The following CTNNA2 variants were observed in gnomAD, a reference collection of about 807,000 sequenced individuals.
CTNNA2 encodes catenin alpha-2.
A neutral mutation model predicts 101.0 loss-of-function variants in CTNNA2; 42 were observed. That is an observed-to-expected ratio of 0.42 (90% confidence interval 0.32 to 0.54). The LOEUF (loss-of-function observed/expected upper bound fraction) is 0.54, where lower values mean the gene tolerates loss of function less well. CTNNA2 is among the 20% of genes least tolerant of loss of function. The pLI is 0.14. For synonymous variants in CTNNA2, 450 were observed against 456.4 expected (o/e 0.99, Z 0.18); for missense variants, 871 against 1,223.1 (o/e 0.71, Z 4.29).
At chr2:80,578,604 G>A (rs1695264873) in intron 13 of CTNNA2, among the ~76,000 whole-genome samples, 1 of 152,184 alleles carries the variant, frequency 6.6e-6, no homozygotes, top group Non-Finnish European at 1.5e-5. Context: ...TGGATGGGCT[G>A]GATGGGTTTG....
intron 3 of CTNNA2, among the ~76,000 whole-genome samples, chr2:79,343,864 G>A (rs552833955): frequency 2.0e-5 from 3 of 151,990 alleles, no homozygotes; most frequent in South Asian, 2.1e-4. Flanking sequence ...GTATGCTTTC[G>A]TTAAAGTTAC....
chr2:80,057,749 G>A (rs78748849), intron 7 of CTNNA2, among the ~76,000 whole-genome samples: 3,486 of 152,200 alleles, frequency 0.023, 141 homozygotes, highest in African/African-American at 0.079. Flanking sequence ...CTTCAAACTG[G>A]ACTTGAACTC....
intron 7 of CTNNA2, among the ~76,000 whole-genome samples, chr2:80,097,458 T>C (rs1043840107): frequency 6.6e-6 from 1 of 152,150 alleles, no homozygotes; most frequent in Admixed American, 6.5e-5. Flanking sequence ...TCATTTCAAC[T>C]TTGGTGAATC....
chr2:79,742,313 C>T (rs1452695220), intron 2 of CTNNA2, among the ~76,000 whole-genome samples: 1 of 151,964 alleles, frequency 6.6e-6, no homozygotes, highest in Non-Finnish European at 1.5e-5. Flanking sequence ...AAATTAATAG[C>T]TCCTCTCCAC....
chr2:80,211,456 C>A (rs1707885200), intron 7 of CTNNA2, among the ~76,000 whole-genome samples: 1 of 152,132 alleles, frequency 6.6e-6, no homozygotes, highest in Non-Finnish European at 1.5e-5. Flanking sequence ...TTTCCCAGCA[C>A]CATTTATTAA....
intron 4 of CTNNA2, among the ~76,000 whole-genome samples, chr2:79,488,318 C>CAAAAAAAA (rs61641596): frequency 8.0e-5 from 8 of 99,912 alleles, no homozygotes; most frequent in Non-Finnish European, 1.3e-4. Context: ...AACTCCATCT[C>CAAAAAAAA]AAAAAAAAAA....
chr2:80,526,749 C>T (rs1203296344), intron 9 of CTNNA2, among the ~76,000 whole-genome samples: 2 of 152,194 alleles, frequency 1.3e-5, no homozygotes, highest in Non-Finnish European at 2.9e-5. Flanking sequence ...AGTGTTTGCA[C>T]AGTTAAAACT....
chr2:80,155,348 A>G (rs1703945462), intron 7 of CTNNA2, among the ~76,000 whole-genome samples: 1 of 152,224 alleles, frequency 6.6e-6, no homozygotes, highest in Non-Finnish European at 1.5e-5. Flanking sequence ...TTTGCTTATA[A>G]TTTGTTGCGT....
chr2:80,080,194 G>T (rs1699048074), intron 7 of CTNNA2, among the ~76,000 whole-genome samples: 1 of 152,090 alleles, frequency 6.6e-6, no homozygotes, highest in South Asian at 2.1e-4. Context: ...GTTTAATTTG[G>T]AGTGGGAAGA....
intron 9 of CTNNA2, among the ~76,000 whole-genome samples, chr2:80,441,519 A>G (rs1682573824): frequency 6.6e-6 from 1 of 152,208 alleles, no homozygotes; most frequent in Non-Finnish European, 1.5e-5. Flanking sequence ...TTGCAAAAAA[A>G]TATATAAAAG....
intron 2 of CTNNA2, among the ~76,000 whole-genome samples, chr2:79,309,394 TGG>T (rs1041031109): frequency 3.7e-4 from 57 of 152,268 alleles, no homozygotes; most frequent in African/African-American, 1.3e-3. Context: ...ATTCTAGAAT[TGG>T]GTATCAGTTC....
intron 3 of CTNNA2, among the ~76,000 whole-genome samples, chr2:79,759,257 A>G (rs10165692): frequency 0.66 from 100,992 of 151,902 alleles, 36,090 homozygotes; most frequent in East Asian, 0.97. Context: ...GCCAGGCACG[A>G]TGATGCGCGT....
chr2:79,510,704 T>C (rs986092542), upstream of CTNNA2, among the ~76,000 whole-genome samples: 2 of 152,204 alleles, frequency 1.3e-5, no homozygotes, highest in Non-Finnish European at 2.9e-5. Context: ...AGACCAAGGG[T>C]CTGAGAAATC....
chr2:80,302,045 T>C lies in CTNNA2; in HGVS notation c.1057-91166T>C. ...ATAGACTGTCCTGAAGGTTGTGGGGTGGGGTTTTTTGTTGTGTTTTAATTC... is the reference window on the plus strand; with the variant it reads ...ATAGACTGTCCTGAAGGTTGTGGGGCGGGGTTTTTTGTTGTGTTTTAATTC... On this transcript the variant is annotated intron_variant, in intron 7 of 18. Coordinates refer to ENST00000402739, the MANE Select transcript of CTNNA2 (RefSeq NM_001282597.3). The surrounding 1 kb of genome is among the most constrained non-coding windows in gnomAD (Gnocchi z 6.4). 6.7e-6 allele frequency: 4 copies of C among 599,142 alleles called. No homozygotes were observed. In the South Asian group the frequency reaches 1.1e-4, roughly 16 times the overall value. The allele number at this position is 599,142 out of a possible 1,614,324, so 37.1% of individuals were successfully genotyped here. A position where few individuals can be genotyped will look rare whatever the true frequency, so the allele number is the denominator to read the frequency against.
At chr2:80,275,295 C>T (rs1425147117) in intron 7 of CTNNA2, among the ~76,000 whole-genome samples, 1 of 152,168 alleles carries the variant, frequency 6.6e-6, no homozygotes, top group Non-Finnish European at 1.5e-5. Context: ...GGATCTCCCA[C>T]ATTGGTCAAA....
At chr2:80,229,745 A>G (rs906183644) in intron 7 of CTNNA2, among the ~76,000 whole-genome samples, 1 of 152,204 alleles carries the variant, frequency 6.6e-6, no homozygotes, top group Non-Finnish European at 1.5e-5. Context: ...TTCCCATGGC[A>G]ACCAGTCTCT....
At chr2:79,416,681 T>A (rs1276503501) in intron 4 of CTNNA2, among the ~76,000 whole-genome samples, 1 of 152,062 alleles carries the variant, frequency 6.6e-6, no homozygotes, top group East Asian at 1.9e-4. Flanking sequence ...AACACCTGGG[T>A]TAACAGTTAG....
chr2:80,523,645 A>G (rs1689769848), intron 9 of CTNNA2, among the ~76,000 whole-genome samples: 1 of 152,130 alleles, frequency 6.6e-6, no homozygotes, highest in Non-Finnish European at 1.5e-5. Flanking sequence ...TAAGGGTGTA[A>G]GTGGTACATG....
intron 2 of CTNNA2, among the ~76,000 whole-genome samples, chr2:79,218,350 T>TG (rs1553383232): frequency 8.3e-5 from 5 of 60,022 alleles, no homozygotes; most frequent in Non-Finnish European, 1.6e-4. Flanking sequence ...TGTGTGTGTG[T>TG]ATTTTTTTTT....
Sources: allele counts gnomAD v4.1 joint callset (sites outside exome capture counted in the v4.1 genomes callset), GRCh38; gene constraint gnomAD v4.1.1; non-coding constraint Gnocchi (gnomAD v3.1); transcripts MANE v1.5; gene names NCBI Gene and HGNC (gene_info 2026-07-23, HGNC 2026-07-21).